The following CADM2 variants were observed in gnomAD, a reference collection of about 807,000 sequenced individuals.
The protein encoded by CADM2 is cell adhesion molecule 2.
CADM2 carries 12 observed loss-of-function variants against 49.8 expected under a neutral mutation model. That is an observed-to-expected ratio of 0.24 (90% CI 0.15 to 0.39). CADM2 has a LOEUF of 0.39. Ranked by LOEUF, CADM2 falls within the 10% of genes least tolerant of loss-of-function variation. The probability of loss-of-function intolerance (pLI) is 1.00; values close to 1 mark genes in which losing one functional copy is unlikely to be tolerated. For synonymous variants in CADM2, 214 were observed against 175.4 expected (o/e 1.22, Z -1.74); for missense variants, 378 against 492.3 (o/e 0.77, Z 2.20).
At chr3:85,864,457 T>G (rs2075651218) in intron 3 of CADM2, among the ~76,000 whole-genome samples, 1 of 152,222 alleles carries the variant, frequency 6.6e-6, no homozygotes, top group Non-Finnish European at 1.5e-5. Context: ...CAATTATTTA[T>G]TGAAATGATA....
At chr3:85,535,863 T>C (rs1458790863) in intron 1 of CADM2, among the ~76,000 whole-genome samples, 1 of 152,096 alleles carries the variant, frequency 6.6e-6, no homozygotes, top group African/African-American at 2.4e-5. Flanking sequence ...AGAGCAACCC[T>C]GTAGATCAGG....
intron 2 of CADM2, among the ~76,000 whole-genome samples, chr3:85,795,225 T>C (rs1273264797): frequency 6.6e-6 from 1 of 152,088 alleles, no homozygotes; most frequent in Non-Finnish European, 1.5e-5. Flanking sequence ...TTGGAAAGAC[T>C]CTAAGATTGA....
intron 1 of CADM2, among the ~76,000 whole-genome samples, chr3:85,547,727 TC>T (rs1470266646): frequency 6.6e-6 from 1 of 152,196 alleles, no homozygotes; most frequent in African/African-American, 2.4e-5. Flanking sequence ...TCCACTTTAG[TC>T]AACATGTGAT....
intron 1 of CADM2, among the ~76,000 whole-genome samples, chr3:85,342,988 C>G (rs1453624290): frequency 6.6e-6 from 1 of 152,058 alleles, no homozygotes; most frequent in Non-Finnish European, 1.5e-5. Flanking sequence ...ATGAGTTTTG[C>G]TTTTTTCCAT....
intron 1 of CADM2, among the ~76,000 whole-genome samples, chr3:85,096,602 A>T (rs1398251730): frequency 6.6e-6 from 1 of 152,046 alleles, no homozygotes; most frequent in South Asian, 2.1e-4. Flanking sequence ...GTATTAGTAC[A>T]GTGAGTTAAA....
At chr3:86,017,512 C>T (rs1732436302) in intron 8 of CADM2, among the ~76,000 whole-genome samples, 1 of 151,974 alleles carries the variant, frequency 6.6e-6, no homozygotes, top group African/African-American at 2.4e-5. Flanking sequence ...CCGCAGATCG[C>T]TTGAGCCAGG....
At chr3:85,247,521 T>A (rs1344303512) in intron 1 of CADM2, among the ~76,000 whole-genome samples, 1 of 152,122 alleles carries the variant, frequency 6.6e-6, no homozygotes, top group Non-Finnish European at 1.5e-5. Context: ...AGGATTTGTC[T>A]TTTCATAAAG....
chr3:85,672,155 A>G (rs1361807654), intron 1 of CADM2, among the ~76,000 whole-genome samples: 2 of 152,046 alleles, frequency 1.3e-5, no homozygotes, highest in East Asian at 3.9e-4. Context: ...CAGACAAGTA[A>G]AATTTACATA....
At chr3:85,708,430 G>A (rs929468574) in intron 1 of CADM2, among the ~76,000 whole-genome samples, 2 of 152,040 alleles carry the variant, frequency 1.3e-5, no homozygotes, top group African/African-American at 2.4e-5. Context: ...TCAGGGTATT[G>A]CACCTCAACA....
intron 1 of CADM2, among the ~76,000 whole-genome samples, chr3:85,077,842 C>T (rs1295625086): frequency 6.6e-6 from 1 of 152,054 alleles, no homozygotes; most frequent in Admixed American, 6.6e-5. Context: ...AGCCAAATTA[C>T]ATATGAAATA....
At chr3:85,496,381 T>C (rs2039897878) in intron 1 of CADM2, among the ~76,000 whole-genome samples, 1 of 152,224 alleles carries the variant, frequency 6.6e-6, no homozygotes, top group African/African-American at 2.4e-5. Context: ...ATTTCATTCT[T>C]TGTATGGATG....
At chr3:85,893,211 G>A (rs774844350) in intron 5 of CADM2, among the ~76,000 whole-genome samples, 37 of 152,132 alleles carry the variant, frequency 2.4e-4, no homozygotes, top group Non-Finnish European at 3.7e-4. Context: ...GCAGCCTACT[G>A]ATGTAGTAGA....
chr3:85,916,628 AC>A (rs1453363509), intron 6 of CADM2, among the ~76,000 whole-genome samples: 5 of 152,036 alleles, frequency 3.3e-5, no homozygotes, highest in Admixed American at 6.6e-5. Context: ...GCCTCAATAA[AC>A]ATACGTGTGC....
At chr3:85,043,224 T>A (rs2035510872) in intron 1 of CADM2, among the ~76,000 whole-genome samples, 1 of 152,004 alleles carries the variant, frequency 6.6e-6, no homozygotes, top group African/African-American at 2.4e-5. Context: ...TAAAAGCAAT[T>A]TTATGGCTTG....
chr3:85,804,822 A>T (rs893314960), intron 3 of CADM2, among the ~76,000 whole-genome samples: 2 of 152,098 alleles, frequency 1.3e-5, no homozygotes, highest in Admixed American at 6.6e-5. Context: ...TTTCTGAGGG[A>T]TAATTATGAG....
intron 1 of CADM2, among the ~76,000 whole-genome samples, chr3:85,208,677 G>T (rs1293505346): frequency 6.6e-6 from 1 of 152,122 alleles, no homozygotes; most frequent in African/African-American, 2.4e-5. Flanking sequence ...GAGACAGGCA[G>T]CTTGTCTAAA....
At chr3:85,809,901 A>G (rs1229132552) in intron 3 of CADM2, among the ~76,000 whole-genome samples, 1 of 151,306 alleles carries the variant, frequency 6.6e-6, no homozygotes, top group Admixed American at 6.6e-5. Context: ...TTTAAACCCT[A>G]CCACACCACA....
intron 1 of CADM2, among the ~76,000 whole-genome samples, chr3:85,502,886 C>T (rs1576669508): frequency 6.6e-6 from 1 of 152,150 alleles, no homozygotes; most frequent in East Asian, 1.9e-4. Flanking sequence ...CTTCTATTCC[C>T]TCATGATATA....
chr3:85,031,510 A>G (rs1321275642), intron 1 of CADM2, among the ~76,000 whole-genome samples: 1 of 151,766 alleles, frequency 6.6e-6, no homozygotes, highest in Non-Finnish European at 1.5e-5. Flanking sequence ...CTTTATTATT[A>G]TTATCATTAT....
Sources: allele counts gnomAD v4.1 joint callset (sites outside exome capture counted in the v4.1 genomes callset), GRCh38; gene constraint gnomAD v4.1.1; transcripts MANE v1.5; gene names NCBI Gene and HGNC (gene_info 2026-07-23, HGNC 2026-07-21).